Variants in GPC5 observed in about 807,000 individuals in gnomAD.
GPC5 encodes the protein glypican-5.
Under a neutral mutation model 53.9 loss-of-function variants are expected in GPC5, and 47 were observed. The ratio of observed to expected loss-of-function variants is 0.87; its 90% CI spans 0.69 to 1.11. The LOEUF is 1.11. Among genes scored for constraint, GPC5 ranks in the 50% most tolerant of loss-of-function variants. GPC5 has a pLI of 0.00. For synonymous variants in GPC5, 286 were observed against 263.3 expected (o/e 1.09, Z -0.84); for missense variants, 748 against 713.1 (o/e 1.05, Z -0.56).
intron 7 of GPC5, among the ~76,000 whole-genome samples, chr13:92,695,116 A>T (rs543922292): frequency 1.8e-3 from 278 of 152,246 alleles, no homozygotes; most frequent in African/African-American, 6.2e-3. Flanking sequence ...GAGTCAATTA[A>T]ACCTCTTTCC....
intron 2 of GPC5, among the ~76,000 whole-genome samples, chr13:91,597,069 ACT>A (rs2033020987): frequency 2.6e-5 from 4 of 152,138 alleles, no homozygotes; most frequent in Admixed American, 6.5e-5. Flanking sequence ...AGGCCTGGAA[ACT>A]CTCTCAAAGC....
At chr13:91,682,135 T>C (rs932370303) in intron 2 of GPC5, among the ~76,000 whole-genome samples, 1 of 152,180 alleles carries the variant, frequency 6.6e-6, no homozygotes, top group African/African-American at 2.4e-5. Context: ...ACTTACACTC[T>C]CAGTGCTGCA....
intron 2 of GPC5, among the ~76,000 whole-genome samples, chr13:91,620,558 C>T (rs115300572): frequency 0.014 from 2,161 of 152,210 alleles, 50 homozygotes; most frequent in African/African-American, 0.049. Flanking sequence ...GGTAAACTGT[C>T]AGATTCATTT....
At chr13:91,935,782 G>A (rs984287679) in intron 6 of GPC5, among the ~76,000 whole-genome samples, 4 of 152,092 alleles carry the variant, frequency 2.6e-5, no homozygotes, top group Middle Eastern at 3.4e-3. Context: ...AATGTCAAGT[G>A]CAAAATTGAC....
intron 7 of GPC5, among the ~76,000 whole-genome samples, chr13:92,232,312 A>G (rs1444247969): frequency 3.9e-5 from 6 of 152,082 alleles, no homozygotes; most frequent in Non-Finnish European, 8.8e-5. Flanking sequence ...TTATTGGGAT[A>G]ATTAAGTTCT....
chr13:92,349,923 C>T (rs941954585), intron 7 of GPC5, among the ~76,000 whole-genome samples: 1 of 152,076 alleles, frequency 6.6e-6, no homozygotes, highest in African/African-American at 2.4e-5. Context: ...CAGACAAGGA[C>T]ATTACAAGAA....
intron 2 of GPC5, among the ~76,000 whole-genome samples, chr13:91,571,843 G>A (rs1268579858): frequency 1.1e-5 from 1 of 90,108 alleles, no homozygotes; most frequent in Non-Finnish European, 2.1e-5. Flanking sequence ...ATATACTTGT[G>A]TGTATATACA....
intron 7 of GPC5, among the ~76,000 whole-genome samples, chr13:92,554,771 A>C: frequency 6.6e-6 from 1 of 150,964 alleles, no homozygotes; most frequent in East Asian, 1.9e-4. Context: ...TTGATAGAAA[A>C]TATTATATAG....
chr13:91,936,861 T>A (rs2039876085), intron 6 of GPC5, among the ~76,000 whole-genome samples: 1 of 151,964 alleles, frequency 6.6e-6, no homozygotes, highest in South Asian at 2.1e-4. Flanking sequence ...ACTGCAGCTT[T>A]GACATTTTCC....
At chr13:92,066,183 A>G (rs1406027961) in intron 6 of GPC5, among the ~76,000 whole-genome samples, 1 of 152,082 alleles carries the variant, frequency 6.6e-6, no homozygotes, top group African/African-American at 2.4e-5. Context: ...CAAGCTCTTG[A>G]AAATAGGAAA....
intron 7 of GPC5, among the ~76,000 whole-genome samples, chr13:92,368,258 T>G (rs1430705207): frequency 6.6e-6 from 1 of 151,708 alleles, no homozygotes; most frequent in African/African-American, 2.4e-5. Flanking sequence ...GTGCTGGGAT[T>G]ACAGGTGTGA....
At chr13:92,423,354 C>T (rs1299282203) in intron 7 of GPC5, among the ~76,000 whole-genome samples, 1 of 152,140 alleles carries the variant, frequency 6.6e-6, no homozygotes, top group East Asian at 1.9e-4. Flanking sequence ...GCACAGCAAA[C>T]AGTTTTTGAG....
chr13:92,141,219 T>C (rs1594779469), intron 6 of GPC5, among the ~76,000 whole-genome samples: 2 of 152,078 alleles, frequency 1.3e-5, no homozygotes, highest in African/African-American at 4.8e-5. Context: ...TGTGGATGTA[T>C]GATAATTGAA....
At chr13:92,757,571 C>A (rs996662383) in intron 7 of GPC5, among the ~76,000 whole-genome samples, 1 of 152,036 alleles carries the variant, frequency 6.6e-6, no homozygotes, top group Non-Finnish European at 1.5e-5. Context: ...AAAATTTTTG[C>A]ATCCTACTCA....
At chr13:91,679,440 A>T (rs1294503471) in intron 2 of GPC5, among the ~76,000 whole-genome samples, 1 of 152,230 alleles carries the variant, frequency 6.6e-6, no homozygotes, top group Non-Finnish European at 1.5e-5. Flanking sequence ...ATGGAAAAAT[A>T]GCTAGAATCT....
chr13:92,631,041 G>T (rs372420212), intron 7 of GPC5, among the ~76,000 whole-genome samples: 37 of 152,032 alleles, frequency 2.4e-4, no homozygotes, highest in African/African-American at 8.2e-4. Context: ...AAAGCCACTG[G>T]CTTTGGAGTA....
At chr13:91,840,822 G>T (rs2038778498) in intron 5 of GPC5, among the ~76,000 whole-genome samples, 1 of 151,162 alleles carries the variant, frequency 6.6e-6, no homozygotes, top group Non-Finnish European at 1.5e-5. Context: ...AAACACTTGG[G>T]ACATATTCCT....
intron 6 of GPC5, among the ~76,000 whole-genome samples, chr13:91,926,938 T>G (rs1283079933): frequency 6.6e-6 from 1 of 152,224 alleles, no homozygotes; most frequent in Admixed American, 6.5e-5. Context: ...ATGATCCATC[T>G]TTGTGTACAG....
intron 7 of GPC5, among the ~76,000 whole-genome samples, chr13:92,613,408 T>TA (rs1491483332): frequency 2.6e-4 from 21 of 80,248 alleles, no homozygotes; most frequent in African/African-American, 3.9e-4. Context: ...TATATTATAT[T>TA]ATATATAAAT....
Sources: gnomAD v4.1 joint callset for allele counts (sites outside exome capture counted in the v4.1 genomes callset) on GRCh38, gnomAD v4.1.1 for gene constraint, MANE v1.5 for transcripts, NCBI Gene and HGNC (gene_info 2026-07-23, HGNC 2026-07-21) for gene names.